Variants in EDRF1 observed in about 807,000 individuals in gnomAD.
EDRF1 encodes the protein erythroid differentiation-related factor 1.
EDRF1 carries 69 observed loss-of-function variants against 148.7 expected under a neutral mutation model. That is an observed-to-expected ratio of 0.46 (90% CI 0.38 to 0.57). EDRF1 has a LOEUF of 0.57. Among genes scored for constraint, EDRF1 ranks in the 20% least tolerant of loss-of-function variants. EDRF1 has a pLI of 0.00. For synonymous variants in EDRF1, 515 were observed against 532.8 expected, an observed-to-expected ratio of 0.97 and a Z score of 0.46; for missense variants, 1,118 against 1,478.7, an observed-to-expected ratio of 0.76 and a Z score of 4.00.
chr10:125,755,922 C>A (rs1044042415), intron 24 of EDRF1, among the ~76,000 whole-genome samples: 2 of 150,446 alleles, frequency 1.3e-5, no homozygotes, highest in Non-Finnish European at 3.0e-5. Flanking sequence ...TTGACTGTTT[C>A]TTCCCCTCAT....
rs780964816 is a variant in EDRF1, at chr10:125,738,439, G to A, written c.1975G>A (p.Asp659Asn). ...GLEKQMALFL[D>N]KMGSLQKGNY... ...AGAGAAGCAGATGGCCTTGTTTTTG[G>A]ACAAAAGTAAGTTGAATTGATGTGC... Residue 659 changes from aspartate (D) to asparagine (N), a missense_variant, in exon 15 of 25, where the codon GAC becomes AAC. Transcript: ENST00000356792. 1.9e-6 allele frequency: 3 copies of A among 1,613,980 alleles called. No homozygotes were observed. Among genetic ancestry groups the A allele is most frequent in the Middle Eastern group, 3.3e-4 (2 of 6,058 alleles).
intron 2 of EDRF1, among the ~76,000 whole-genome samples, chr10:125,721,970 T>G (rs1219239244): frequency 6.6e-6 from 1 of 152,176 alleles, no homozygotes; most frequent in Non-Finnish European, 1.5e-5. Flanking sequence ...ATGTGTAGGG[T>G]TCTCTTTTCT....
rs1849612048 is a variant in EDRF1 at position 125,751,082 on chromosome 10, G to A, written c.3277+1517G>A. ...TGATCCTCAGCCTCCCCGAGTAGCT[G>A]AGATCACAAGTGCTAATTTTGGAAA... On this transcript the variant is annotated intron_variant, in intron 22 of 24. Coordinates refer to ENST00000356792, the MANE Select transcript of EDRF1 (RefSeq NM_001202438.2). Among the ~76,000 whole-genome samples the A allele has an allele frequency of 2.6e-5, 4 of 152,074 alleles. No individual in the cohort carries two copies. In the South Asian group the frequency reaches 6.2e-4, roughly 24 times the overall value.
chr10:125,734,156 A>G lies in EDRF1; in HGVS notation c.1470A>G (p.Lys490=). The change falls in exon 12 of 25, where the codon AAA becomes AAG. Residue 490 remains lysine, a synonymous_variant. Coordinates refer to ENST00000356792, the MANE Select transcript of EDRF1 (RefSeq NM_001202438.2). ...TIRTLLLNCL[K]LLDKSRHPQI... Reference sequence around the variant, plus strand: ...GAACATTGCTTCTTAATTGTCTGAAATTACTGGACAAAAGTAGGCATCCTC... The same window carrying G: ...GAACATTGCTTCTTAATTGTCTGAAGTTACTGGACAAAAGTAGGCATCCTC... The G allele has an allele frequency of 1.2e-6, 2 of 1,612,570 alleles. No individual in the cohort carries two copies. The highest frequency in any genetic ancestry group is 1.7e-6 in the Non-Finnish European group (2 of 1,178,734).
Position 125,730,205 on chromosome 10 carries a change from C to T in EDRF1, c.1017-83C>T, listed in dbSNP as rs534409384. ...TATCTAGAGAGGACAGCTTAAGATACTTAAATGGTGAAATAACTTTCAGAT... is the reference window on the plus strand; with the variant it reads ...TATCTAGAGAGGACAGCTTAAGATATTTAAATGGTGAAATAACTTTCAGAT... On this transcript the variant is annotated intron_variant, in intron 8 of 24. Coordinates refer to ENST00000356792, the MANE Select transcript of EDRF1 (RefSeq NM_001202438.2). 6 of 1,119,974 alleles carry T rather than the reference C, an allele frequency of 5.4e-6. No individual in the cohort carries two copies. The East Asian group carries it at 1.4e-4, about 27-fold the overall frequency. 69.4% of individuals were successfully genotyped at this position (1,119,974 alleles called of 1,614,324 possible).
intron 2 of EDRF1, among the ~76,000 whole-genome samples, chr10:125,722,348 T>C (rs1848047904): frequency 6.6e-6 from 1 of 152,218 alleles, no homozygotes; most frequent in Admixed American, 6.5e-5. Flanking sequence ...TTAATTATAT[T>C]GCACCTGAGA....
intron 20 of EDRF1, 30 bp from the exon 21 acceptor site, chr10:125,747,833 T>C: frequency 6.2e-7 from 1 of 1,613,920 alleles, no homozygotes; most frequent in Middle Eastern, 1.7e-4. Flanking sequence ...TAGAAGCTTA[T>C]TTTTTTCTTC....
rs1482868729 is a variant in EDRF1 at position 125,740,627 on chromosome 10, A to G, written c.2146A>G (p.Ile716Val). 2 of 1,613,924 alleles carry G rather than the reference A, an allele frequency of 1.2e-6. No individual in the cohort carries two copies. Residue 716 changes from isoleucine (I) to valine (V), a missense_variant, in exon 16 of 25, where the codon ATT becomes GTT. Ile to Val is a conservative substitution (Grantham distance 29, BLOSUM62 3). This residue lies in a region of EDRF1 where 954 missense variants were observed against 1,241.4 expected (regional missense o/e 0.77). Coordinates refer to ENST00000356792, the MANE Select transcript of EDRF1 (RefSeq NM_001202438.2). ...LQKYGRALRY[I>V]KLALQSHDTY... ...GAAATACGGAAGAGCATTACGATAC[A>G]TTAAATTAGCTTTGCAAAGCCATGG...
Position 125,753,725 on chromosome 10 carries a change from A to T in EDRF1, c.3425A>T (p.Asp1142Val), listed in dbSNP as rs1849755095. 1.9e-5 allele frequency: 31 copies of T among 1,613,958 alleles called. No homozygotes were observed. The highest frequency in any genetic ancestry group is 2.6e-5 in the Non-Finnish European group (31 of 1,180,012). Residue 1142 changes from aspartate (D) to valine (V), a missense_variant, in exon 24 of 25, where the codon GAT (aspartate) becomes GTT (valine). Transcript: ENST00000356792. ...AGTGGTGACGCCGCTGCAGCTGCTG[A>T]TGCTTCTCCTAGTCTCAATCGAGAA... ...PKSGDAAAAA[D>V]ASPSLNREEV...
intron 13 of EDRF1, among the ~76,000 whole-genome samples, chr10:125,736,750 G>T (rs1848756783): frequency 6.6e-6 from 1 of 151,678 alleles, no homozygotes; most frequent in East Asian, 1.9e-4. Flanking sequence ...GAGGGTCTTT[G>T]TATTTGCTGT....
chr10:125,719,727 G>T lies in EDRF1; in HGVS notation c.-81G>T, dbSNP rs61743887. On this transcript the variant is annotated 5_prime_UTR_variant, in exon 1 of 25. Transcript: ENST00000356792. ...GAAGTGCGGTCCGCGGAGCGTCTCT[G>T]GCGCTTACCCTGCTTTGGGCCTGCG... 2.9e-3 allele frequency: 3,232 copies of T among 1,111,318 alleles called. 61 individuals carry two copies. In the African/African-American group the frequency reaches 0.041, roughly 14 times the overall value. 68.8% of individuals were successfully genotyped at this position (1,111,318 alleles called of 1,614,324 possible). A position where few individuals can be genotyped will look rare whatever the true frequency, so the allele number is the denominator to read the frequency against.
Position 125,735,503 on chromosome 10 carries a change from G to A in EDRF1, c.1498-141G>A, listed in dbSNP as rs146429168. 11 of 792,698 alleles carry A rather than the reference G, an allele frequency of 1.4e-5. No homozygotes were observed. The Admixed American group carries it at 2.6e-4, about 19-fold the overall frequency. The allele number at this position is 792,698 out of a possible 1,614,324, so 49.1% of individuals were successfully genotyped here. Reference sequence around the variant, plus strand: ...CAGAGTATCAGTAGCTTTGAACTGGGAACATTTCTGTGTGTGTTACAGTCT... The same window carrying A: ...CAGAGTATCAGTAGCTTTGAACTGGAAACATTTCTGTGTGTGTTACAGTCT... On this transcript the variant is annotated intron_variant, in intron 12 of 24. Coordinates refer to ENST00000356792, the MANE Select transcript of EDRF1 (RefSeq NM_001202438.2).
chr10:125,750,209 G>A (rs1849570582), intron 22 of EDRF1, among the ~76,000 whole-genome samples: 1 of 152,154 alleles, frequency 6.6e-6, no homozygotes, highest in Admixed American at 6.5e-5. Context: ...AGAGGCAACA[G>A]TAAAGGAGTA....
intron 22 of EDRF1, among the ~76,000 whole-genome samples, chr10:125,752,420 AACT>A (rs1938714398): frequency 1.3e-5 from 2 of 152,202 alleles, no homozygotes; most frequent in South Asian, 4.1e-4. Flanking sequence ...AGATGTAATA[AACT>A]ATTTTACAGA....
intron 17 of EDRF1, chr10:125,742,130 C>G: frequency 1.1e-6 from 1 of 949,900 alleles, no homozygotes; most frequent in South Asian, 1.4e-5. Flanking sequence ...TGAATGATTC[C>G]TTGGGGCTGA....
intron 24 of EDRF1, among the ~76,000 whole-genome samples, chr10:125,754,834 C>T (rs1227247281): frequency 6.6e-6 from 1 of 152,118 alleles, no homozygotes; most frequent in African/African-American, 2.4e-5. Context: ...TCCATTGTTA[C>T]CAGTTATCTT....
intron 24 of EDRF1, among the ~76,000 whole-genome samples, chr10:125,762,419 C>T (rs1341958114): frequency 6.6e-6 from 1 of 151,242 alleles, no homozygotes; most frequent in Non-Finnish European, 1.5e-5. Flanking sequence ...TTCATGGACA[C>T]TGAAAAGAGT....
At chr10:125,741,240 CTG>C (rs1400228702) in intron 17 of EDRF1, 39 bp downstream of exon 17, 3 of 1,559,788 alleles carry the variant, frequency 1.9e-6, no homozygotes, top group African/African-American at 2.7e-5. Context: ...CACAGTGGGA[CTG>C]TGCAGTCTAG....
chr10:125,741,167 C>T lies in EDRF1; in HGVS notation c.2337C>T (p.Ile779=). Residue 779 remains isoleucine (I), a synonymous_variant, in exon 17 of 25, where the codon ATC becomes ATT. Transcript: ENST00000356792. ...ACCAAACAAAAGAAGACCAGGAGAT[C>T]CTGCATAGCCTTCACAGAGAGTCCA... ...FHYQTKEDQE[I]LHSLHRESSC... is the part of the protein sequence containing the mutation. The T allele has an allele frequency of 6.2e-7, 1 of 1,614,164 alleles. No individual in the cohort carries two copies. The highest frequency in any genetic ancestry group is 1.1e-5 in the South Asian group (1 of 91,090).
Sources: gnomAD v4.1 joint callset for allele counts (sites outside exome capture counted in the v4.1 genomes callset) on GRCh38, gnomAD v4.1.1 for gene constraint, gnomAD v4.1.1 regional missense constraint, MANE v1.5 for transcripts, NCBI Gene and HGNC (gene_info 2026-07-23, HGNC 2026-07-21) for gene names.